TECRL: variants seen among roughly 807,000 people sequenced by gnomAD.
The protein encoded by TECRL is trans-2,3-enoyl-CoA reductase like.
In TECRL, 63 loss-of-function variants were observed where a neutral mutation model predicts 52.8. The observed-to-expected ratio is 1.19, with a 90% CI of 0.97 to 1.47. The LOEUF is 1.47. Ranked by LOEUF, TECRL falls within the 40% of genes most tolerant of loss-of-function variation. The pLI is 0.00. For synonymous variants in TECRL, 164 were observed against 141.9 expected (o/e 1.16, Z -1.10); for missense variants, 482 against 429.6 (o/e 1.12, Z -1.08).
At chr4:64,338,742 C>T (rs1319281258) in intron 2 of TECRL, among the ~76,000 whole-genome samples, 1 of 152,172 alleles carries the variant, frequency 6.6e-6, no homozygotes, top group Admixed American at 6.6e-5. Flanking sequence ...AATATCATCT[C>T]ACACCAGTTA....
At chr4:64,390,582 A>G (rs1174897931) in intron 1 of TECRL, among the ~76,000 whole-genome samples, 1 of 151,888 alleles carries the variant, frequency 6.6e-6, no homozygotes, top group African/African-American at 2.4e-5. Flanking sequence ...TGAGCATGTC[A>G]TATAAGTGAG....
chr4:64,321,299 TATC>T (rs1364610522), intron 4 of TECRL, among the ~76,000 whole-genome samples: 10 of 152,132 alleles, frequency 6.6e-5, no homozygotes, highest in African/African-American at 2.2e-4. Context: ...ATGTATAAAT[TATC>T]ATACATTTGT....
chr4:64,305,195 T>C lies in TECRL; in HGVS notation c.701A>G (p.Tyr234Cys). Residue 234 changes from tyrosine to cysteine, a missense_variant, in exon 7 of 12, where the codon TAC (tyrosine) becomes TGC (cysteine). Coordinates refer to ENST00000381210, the MANE Select transcript of TECRL (RefSeq NM_001010874.5). Reference protein sequence around the residue: ...YWGFTSWIAYYINHPLYTPPS... With the variant: ...YWGFTSWIAYCINHPLYTPPS... The stretch of plus-strand genomic sequence containing the variant: ...TGGTGTATATAGTGGATGATTAATG[T>C]AGTAGGCAATCCAAGAAGTAAATCC... 1 of 1,612,868 alleles carries C rather than the reference T, an allele frequency of 6.2e-7. No homozygotes were observed. The highest frequency in any genetic ancestry group is 8.5e-7 in the Non-Finnish European group (1 of 1,179,206).
At chr4:64,400,994 T>C (rs1266745149) in intron 1 of TECRL, among the ~76,000 whole-genome samples, 1 of 152,172 alleles carries the variant, frequency 6.6e-6, no homozygotes, top group Non-Finnish European at 1.5e-5. Context: ...GATAAGTGTG[T>C]GAGGTGGCTG....
chr4:64,307,020 C>T (rs1724379552), intron 6 of TECRL, among the ~76,000 whole-genome samples: 1 of 152,144 alleles, frequency 6.6e-6, no homozygotes, highest in African/African-American at 2.4e-5. Context: ...TCCCTGGTTA[C>T]TAGCACACAG....
Position 64,387,183 on chromosome 4 carries a change from T to C in TECRL, c.235-11960A>G, listed in dbSNP as rs142295022. Among the ~76,000 whole-genome samples the C allele has an allele frequency of 1.8e-3, 270 of 152,288 alleles. 4 individuals are homozygous for C. The highest frequency in any genetic ancestry group is 3.4e-3 in the Middle Eastern group (1 of 294). ...AATCATAGTATGCAACCTTTTCAGA[T>C]TGCATTTTTTCACTTAGTAATGCAC... On this transcript the variant is annotated intron_variant, in intron 1 of 11. Transcript: ENST00000381210.
At chr4:64,300,457 T>A (rs997975372) in intron 7 of TECRL, among the ~76,000 whole-genome samples, 1 of 150,710 alleles carries the variant, frequency 6.6e-6, no homozygotes, top group African/African-American at 2.4e-5. Flanking sequence ...TTTATATTTT[T>A]ATTATAACAA....
chr4:64,400,832 C>A (rs1056600892), intron 1 of TECRL, among the ~76,000 whole-genome samples: 1 of 152,132 alleles, frequency 6.6e-6, no homozygotes, highest in Non-Finnish European at 1.5e-5. Flanking sequence ...TGCCACTAGG[C>A]TTCCTGTACA....
intron 4 of TECRL, among the ~76,000 whole-genome samples, chr4:64,319,447 T>C (rs987031878): frequency 2.0e-5 from 3 of 151,806 alleles, no homozygotes; most frequent in African/African-American, 7.2e-5. Flanking sequence ...AAAACCTTGA[T>C]AAATTAGACT....
chr4:64,351,181 G>T (rs1720365168), intron 2 of TECRL, among the ~76,000 whole-genome samples: 1 of 150,778 alleles, frequency 6.6e-6, no homozygotes, highest in Non-Finnish European at 1.5e-5. Flanking sequence ...TTGGTTAATG[G>T]ATATGAATAT....
intron 2 of TECRL, among the ~76,000 whole-genome samples, chr4:64,338,424 T>G (rs1166468767): frequency 6.6e-6 from 1 of 152,054 alleles, no homozygotes; most frequent in African/African-American, 2.4e-5. Flanking sequence ...AAGCCAAAAT[T>G]GACAAATGGG....
intron 9 of TECRL, among the ~76,000 whole-genome samples, chr4:64,284,340 G>C (rs867237889): frequency 1.3e-5 from 2 of 151,978 alleles, no homozygotes; most frequent in African/African-American, 4.8e-5. Flanking sequence ...GATAGTCTAC[G>C]CAAGGTTGAA....
chr4:64,316,505 C>T (rs1403094968), intron 4 of TECRL, among the ~76,000 whole-genome samples: 5 of 151,930 alleles, frequency 3.3e-5, no homozygotes, highest in Middle Eastern at 6.8e-3. Context: ...GGGGAAAAGA[C>T]GATTTATTAA....
rs1472577893 is a variant in TECRL at position 64,397,797 on chromosome 4, T to A, written c.234+11321A>T. The A allele has an allele frequency of 2.0e-5, 3 of 152,200 alleles. No individual in the cohort carries two copies. In the East Asian group the frequency reaches 5.8e-4, roughly 29 times the overall value. 9.4% of individuals were successfully genotyped at this position (152,200 alleles called of 1,614,324 possible). On this transcript the variant is annotated intron_variant, in intron 1 of 11. Transcript: ENST00000381210. ...CTGCTGAATCTAGCACAGATTTCTGTTGTTTATAAGCCACTTGGTATTTTA... is the reference window on the plus strand; with the variant it reads ...CTGCTGAATCTAGCACAGATTTCTGATGTTTATAAGCCACTTGGTATTTTA...
At chr4:64,391,849 T>C (rs1469042694) in intron 1 of TECRL, among the ~76,000 whole-genome samples, 2 of 151,926 alleles carry the variant, frequency 1.3e-5, no homozygotes, top group African/African-American at 4.8e-5. Context: ...TACAATGATA[T>C]AGAAAGCTGC....
chr4:64,299,768 G>A (rs972601658), intron 8 of TECRL, among the ~76,000 whole-genome samples: 48 of 150,794 alleles, frequency 3.2e-4, no homozygotes, highest in African/African-American at 1.1e-3. Flanking sequence ...AACCTTTAGA[G>A]ATGACTACAA....
At chr4:64,307,311 T>C (rs1185779937) in intron 6 of TECRL, among the ~76,000 whole-genome samples, 2 of 151,984 alleles carry the variant, frequency 1.3e-5, no homozygotes, top group African/African-American at 2.4e-5. Context: ...AAAGAAGAAA[T>C]AGATCTGTGG....
intron 1 of TECRL, among the ~76,000 whole-genome samples, chr4:64,382,605 T>C (rs1326065386): frequency 2.0e-5 from 3 of 152,062 alleles, no homozygotes; most frequent in East Asian, 3.9e-4. Flanking sequence ...TTTTTACAGA[T>C]AAAATGAGTT....
chr4:64,290,541 A>C (rs1723322379), intron 8 of TECRL, among the ~76,000 whole-genome samples: 1 of 152,170 alleles, frequency 6.6e-6, no homozygotes, highest in African/African-American at 2.4e-5. Flanking sequence ...AATATATCCC[A>C]AAAGTTGAGC....
Sources: gnomAD v4.1 joint callset for allele counts (sites outside exome capture counted in the v4.1 genomes callset) on GRCh38, gnomAD v4.1.1 for gene constraint, MANE v1.5 for transcripts, NCBI Gene and HGNC (gene_info 2026-07-23, HGNC 2026-07-21) for gene names.